The following GPR89A variants were observed in gnomAD, a reference collection of about 807,000 sequenced individuals.
GPR89A encodes the protein golgi pH regulator A.
Under a neutral mutation model 52.0 loss-of-function variants are expected in GPR89A, and 16 were observed. That is an observed-to-expected ratio of 0.31 (90% confidence interval 0.21 to 0.47). The LOEUF (loss-of-function observed/expected upper bound fraction) is 0.47, where lower values mean the gene tolerates loss of function less well. Ranked by LOEUF, GPR89A falls within the 20% of genes least tolerant of loss-of-function variation. The pLI is 1.00. For missense variants in GPR89A, 135 were observed against 449.4 expected (o/e 0.30, Z 6.33); for synonymous variants, 55 against 150.9 (o/e 0.36, Z 4.66).
At chr1:145,624,515 T>C (rs2101754550) in intron 5 of GPR89A, among the ~76,000 whole-genome samples, 1 of 150,494 alleles carries the variant, frequency 6.6e-6, no homozygotes, top group East Asian at 1.9e-4. Context: ...TTTAAAAAAA[T>C]CTATATATAT....
chr1:145,650,714 A>G (rs1188368508), intron 10 of GPR89A, among the ~76,000 whole-genome samples: 1 of 150,626 alleles, frequency 6.6e-6, no homozygotes, highest in East Asian at 1.9e-4. Context: ...TGTGGTTTTG[A>G]TTTGCATTTC....
chr1:145,645,602 A>G (rs1296043997), intron 8 of GPR89A: 5 of 453,870 alleles, frequency 1.1e-5, no homozygotes, highest in Admixed American at 2.4e-5. Context: ...TTGCATCTCT[A>G]TCAATTAATT....
chr1:145,615,114 T>C (rs1553686726), intron 1 of GPR89A, among the ~76,000 whole-genome samples: 1 of 152,228 alleles, frequency 6.6e-6, no homozygotes, highest in Non-Finnish European at 1.5e-5. Flanking sequence ...TCAGCTGTCA[T>C]GTGGCTACGG....
chr1:145,641,863 G>GT (rs1553691780), intron 7 of GPR89A, among the ~76,000 whole-genome samples: 2 of 151,800 alleles, frequency 1.3e-5, no homozygotes, highest in Non-Finnish European at 2.9e-5. Flanking sequence ...TGGTTGGGTG[G>GT]TTTTTTCATT....
At chr1:145,647,372 G>T in intron 10 of GPR89A, 105 bp downstream of exon 10, 1 of 1,530,088 alleles carries the variant, frequency 6.5e-7, no homozygotes. Context: ...TTCCAAATGT[G>T]ATTGCATCAA....
chr1:145,633,163 T>C (rs1489437778), intron 7 of GPR89A, among the ~76,000 whole-genome samples: 1 of 105,696 alleles, frequency 9.5e-6, no homozygotes, highest in Non-Finnish European at 1.9e-5. Flanking sequence ...ATCAGACATA[T>C]GGCTTGCAGA....
chr1:145,612,377 A>C (rs1320925923), intron 1 of GPR89A: 1 of 152,068 alleles, frequency 6.6e-6, no homozygotes, highest in Non-Finnish European at 1.5e-5. Flanking sequence ...AAGCCATTCT[A>C]CCTACCTTTG....
intron 10 of GPR89A, among the ~76,000 whole-genome samples, chr1:145,660,843 T>C (rs1233320889): frequency 6.6e-6 from 1 of 151,144 alleles, no homozygotes; most frequent in Non-Finnish European, 1.5e-5. Flanking sequence ...CAGGAACACT[T>C]TTACACTGTT....
intron 7 of GPR89A, among the ~76,000 whole-genome samples, chr1:145,639,893 T>C (rs1650516950): frequency 6.6e-6 from 1 of 151,962 alleles, no homozygotes; most frequent in Admixed American, 6.6e-5. Flanking sequence ...GTTTAAAAAA[T>C]GAATCTAAAT....
At chr1:145,646,054 A>G (rs1463110596) in intron 8 of GPR89A, 130 bp from the exon 9 acceptor site, 9 of 1,419,878 alleles carry the variant, frequency 6.3e-6, no homozygotes, top group South Asian at 3.5e-5. Context: ...GCTGCTGGCT[A>G]TGAAACAGGA....
intron 7 of GPR89A, among the ~76,000 whole-genome samples, chr1:145,632,594 A>G (rs1553690068): frequency 6.6e-6 from 1 of 152,254 alleles, no homozygotes; most frequent in Non-Finnish European, 1.5e-5. Flanking sequence ...CTTAAGGCTG[A>G]ATAGTATTCT....
chr1:145,637,061 G>GA (rs1161589486), intron 7 of GPR89A, among the ~76,000 whole-genome samples: 1 of 152,170 alleles, frequency 6.6e-6, no homozygotes, highest in African/African-American at 2.4e-5. Flanking sequence ...AAGAGCCTGA[G>GA]AAAAATAGGC....
At chr1:145,660,786 C>T (rs1652140332) in intron 10 of GPR89A, among the ~76,000 whole-genome samples, 3 of 151,602 alleles carry the variant, frequency 2.0e-5, no homozygotes, top group African/African-American at 7.3e-5. Flanking sequence ...GAATGGCAAT[C>T]ATTAAAAAGT....
At position 145,669,619 on chromosome 1, in the gene GPR89A, T is replaced by C. The variant is rs782182203; in HGVS notation, c.1096-6T>C. 3 of 1,611,062 alleles carry C rather than the reference T, an allele frequency of 1.9e-6. No homozygotes were observed. The highest frequency in any genetic ancestry group is 2.5e-6 in the Non-Finnish European group (3 of 1,179,530). ...TGCATAAATTCATCTCCCTCTTTCTTGACAGTTCTTTTATGCCATCTCTAG... is the reference window on the plus strand; with the variant it reads ...TGCATAAATTCATCTCCCTCTTTCTCGACAGTTCTTTTATGCCATCTCTAG... On this transcript the variant is annotated splice_polypyrimidine_tract_variant and splice_region_variant and intron_variant, in intron 12 of 13. Coordinates refer to ENST00000313835, the MANE Select transcript of GPR89A (RefSeq NM_001097612.2).
intron 5 of GPR89A, among the ~76,000 whole-genome samples, chr1:145,629,128 A>G (rs1649720220): frequency 6.6e-6 from 1 of 152,118 alleles, no homozygotes; most frequent in Admixed American, 6.5e-5. Context: ...CCAAAAACAA[A>G]TAGCACCAAG....
At chr1:145,632,817 C>A (rs1649972375) in intron 7 of GPR89A, among the ~76,000 whole-genome samples, 1 of 151,982 alleles carries the variant, frequency 6.6e-6, no homozygotes, top group Non-Finnish European at 1.5e-5. Flanking sequence ...TTTTTAGGAA[C>A]CTCCACACTA....
At chr1:145,609,815 A>G (rs587620803) in intron 1 of GPR89A, among the ~76,000 whole-genome samples, 12 of 152,310 alleles carry the variant, frequency 7.9e-5, no homozygotes, top group African/African-American at 2.6e-4. Flanking sequence ...AATGTGGAAG[A>G]AAGACCCAAA....
chr1:145,612,254 TCTC>T (rs1648346018), intron 1 of GPR89A: 1 of 152,198 alleles, frequency 6.6e-6, no homozygotes, highest in South Asian at 2.1e-4. Context: ...AAAGGTATGA[TCTC>T]CTACTATGAA....
chr1:145,615,858 G>A (rs1464268380), intron 1 of GPR89A, among the ~76,000 whole-genome samples: 1 of 152,066 alleles, frequency 6.6e-6, no homozygotes, highest in African/African-American at 2.4e-5. Context: ...GGCTTCAGGT[G>A]ATCTGCCCAC....
Sources: gnomAD v4.1 joint callset for allele counts (sites outside exome capture counted in the v4.1 genomes callset) on GRCh38, gnomAD v4.1.1 for gene constraint, MANE v1.5 for transcripts, NCBI Gene and HGNC (gene_info 2026-07-23, HGNC 2026-07-21) for gene names.